The following UBE2T variants were observed in gnomAD, a reference collection of about 807,000 sequenced individuals.
UBE2T encodes ubiquitin conjugating enzyme E2 T.
UBE2T carries 15 observed loss-of-function variants against 23.3 expected under a neutral mutation model. The ratio of observed to expected loss-of-function variants is 0.64; its 90% CI spans 0.43 to 0.99. UBE2T has a LOEUF of 0.99. UBE2T is among the 50% of genes least tolerant of loss of function. UBE2T has a pLI of 0.00. For synonymous variants in UBE2T, 67 were observed against 78.4 expected (o/e 0.85, Z 0.77); for missense variants, 197 against 234.9 (o/e 0.84, Z 1.05).
At chr1:202,341,202 C>A (rs186805289) in intron 1 of UBE2T, among the ~76,000 whole-genome samples, 1 of 152,282 alleles carries the variant, frequency 6.6e-6, no homozygotes, top group African/African-American at 2.4e-5. Flanking sequence ...GACAGCAGGT[C>A]CCTAGTCTTT....
At chr1:202,341,422 C>CA (rs1199385835) in intron 1 of UBE2T, among the ~76,000 whole-genome samples, 2 of 148,924 alleles carry the variant, frequency 1.3e-5, no homozygotes, top group Admixed American at 6.7e-5. Flanking sequence ...ACTGAAAATA[C>CA]AAAAAATTAG....
rs184351718 is a variant in UBE2T at position 202,333,520 on chromosome 1, G to A, written c.215C>T (p.Thr72Ile). 6.2e-7 allele frequency: 1 copy of A among 1,614,158 alleles called. No homozygotes were observed. The highest frequency in any genetic ancestry group is 2.2e-5 in the East Asian group (1 of 44,874). The change falls in exon 4 of 7, where the codon ACT (threonine) becomes ATT (isoleucine). Residue 72 changes from threonine (T) to isoleucine (I), a missense_variant. Coordinates refer to ENST00000646651, the MANE Select transcript of UBE2T (RefSeq NM_014176.4). ...ATCAATGTTTGGATGATAAATTGGA[G>A]TGAGAAATCGGATCTGAGGAGGTTC... is the stretch of plus-strand genomic sequence containing the variant. ...PFEPPQIRFLTPIYHPNIDSA... is the reference protein window; with the variant it reads ...PFEPPQIRFLIPIYHPNIDSA...
At position 202,333,444 on chromosome 1, in the gene UBE2T, A is replaced by G; in HGVS notation, c.285+6T>C. 1.2e-6 allele frequency: 2 copies of G among 1,613,978 alleles called. No homozygotes were observed. The highest frequency in any genetic ancestry group is 2.7e-5 in the African/African-American group (2 of 75,010). On this transcript the variant is annotated splice_donor_region_variant and intron_variant, in intron 4 of 6. Coordinates refer to ENST00000646651, the MANE Select transcript of UBE2T (RefSeq NM_014176.4). ...CTGTAGAGTCAACCATTTACCCACA[A>G]CTCACTTTTGGTGGCAATTTGAGAA... is the stretch of plus-strand genomic sequence containing the variant.
chr1:202,336,967 G>A (rs529724581), intron 1 of UBE2T, among the ~76,000 whole-genome samples: 43 of 152,092 alleles, frequency 2.8e-4, no homozygotes, highest in Middle Eastern at 3.4e-3. Flanking sequence ...TTTTTTAGAC[G>A]GAGTCTCGGT....
intron 4 of UBE2T, 50 bp from the exon 5 acceptor site, chr1:202,333,385 T>G: frequency 4.3e-6 from 7 of 1,613,346 alleles, no homozygotes; most frequent in Non-Finnish European, 5.9e-6. Context: ...TGTGATCCTC[T>G]AATTCAAGTT....
intron 1 of UBE2T, among the ~76,000 whole-genome samples, chr1:202,337,720 T>C (rs1654918780): frequency 1.3e-5 from 2 of 152,222 alleles, no homozygotes; most frequent in Admixed American, 6.5e-5. Context: ...TTATTCATTT[T>C]TTATTATTTA....
intron 6 of UBE2T, among the ~76,000 whole-genome samples, 200 bp from the exon 7 acceptor site, chr1:202,332,160 GCTA>G (rs1654766457): frequency 1.3e-5 from 2 of 152,060 alleles, no homozygotes; most frequent in Non-Finnish European, 2.9e-5. Context: ...TAACACCACT[GCTA>G]TTTAACTCAA....
rs1183967119 is a variant in UBE2T, at chr1:202,341,744, C to A, written c.-65+151G>T. On this transcript the variant is annotated intron_variant, in intron 1 of 6. Coordinates refer to ENST00000646651, the MANE Select transcript of UBE2T (RefSeq NM_014176.4). ...CATGCAAAGATACGGTGAGACCCTC[C>A]GCTCAACAGTGGCTTTTCTAAGGCT... Among the ~76,000 whole-genome samples, 3 of 152,154 alleles carry A rather than the reference C, an allele frequency of 2.0e-5. No homozygotes were observed. The East Asian group carries it at 5.8e-4, about 29-fold the overall frequency.
Position 202,333,472 on chromosome 1 carries a change from T to C in UBE2T, c.263A>G (p.Asp88Gly). The change falls in exon 4 of 7, where the codon GAT becomes GGT. Residue 88 changes from aspartate (D) to glycine (G), a missense_variant. Physicochemically the swap from Asp to Gly is moderately conservative, Grantham distance 94 (BLOSUM62 -1). Transcript: ENST00000646651. Reference protein sequence around the residue: ...NIDSAGRICLDVLKLPPKGAW... With the variant: ...NIDSAGRICLGVLKLPPKGAW... ...CACTTTTGGTGGCAATTTGAGAACA[T>C]CCAGACAAATCCTTCCAGCAGAATC... The C allele has an allele frequency of 6.2e-7, 1 of 1,614,130 alleles. No individual in the cohort carries two copies. Among genetic ancestry groups the C allele is most frequent in the Non-Finnish European group, 8.5e-7 (1 of 1,180,004 alleles).
At chr1:202,337,898 A>C (rs566939126) in intron 1 of UBE2T, among the ~76,000 whole-genome samples, 65 of 152,178 alleles carry the variant, frequency 4.3e-4, no homozygotes, top group Non-Finnish European at 7.6e-4. Flanking sequence ...GAATCAGTTC[A>C]TAAGTCCATA....
In UBE2T at chr1:202,335,147, T is replaced by C. The variant is rs1192950864; in HGVS notation, c.110-89A>G. The C allele has an allele frequency of 1.9e-6, 2 of 1,034,252 alleles. No homozygotes were observed. The highest frequency in any genetic ancestry group is 2.9e-6 in the Non-Finnish European group (2 of 701,170). 64.1% of individuals were successfully genotyped at this position (1,034,252 alleles called of 1,614,324 possible). A position where few individuals can be genotyped will look rare whatever the true frequency, so the allele number is the denominator to read the frequency against. ...GAGCTAATGAGGTCTATGGTCCTAA[T>C]AGAGAAACTAGGCCTAGGACAATAA... On this transcript the variant is annotated intron_variant, in intron 2 of 6. Transcript: ENST00000646651. The surrounding 1 kb of genome is among the most constrained non-coding windows in gnomAD (Gnocchi z 4.0).
intron 1 of UBE2T, among the ~76,000 whole-genome samples, chr1:202,339,373 C>T (rs549647730): frequency 2.6e-5 from 4 of 151,950 alleles, no homozygotes; most frequent in Admixed American, 2.6e-4. Context: ...ATTTCTAACA[C>T]TGTTTATCTG....
At chr1:202,338,323 G>A (rs564302611) in intron 1 of UBE2T, among the ~76,000 whole-genome samples, 2 of 152,094 alleles carry the variant, frequency 1.3e-5, no homozygotes, top group Non-Finnish European at 2.9e-5. Flanking sequence ...GGGTTCAAGC[G>A]ATTCTCCTGT....
rs764165744 is a variant in UBE2T, at chr1:202,335,741, G to A, written c.14C>T (p.Ser5Leu). 8.1e-6 allele frequency: 13 copies of A among 1,613,834 alleles called. No homozygotes were observed. The highest frequency in any genetic ancestry group is 1.3e-5 in the African/African-American group (1 of 74,876). The change falls in exon 2 of 7, where the codon TCA (serine) becomes TTA (leucine). Residue 5 changes from serine (S) to leucine (L), a missense_variant. Ser to Leu is a moderately radical substitution (Grantham distance 145). Coordinates refer to ENST00000646651, the MANE Select transcript of UBE2T (RefSeq NM_014176.4). The surrounding 1 kb of genome is among the most constrained non-coding windows in gnomAD (Gnocchi z 4.0). The stretch of plus-strand genomic sequence containing the variant: ...CATGTGCAGCTCTCTCTTCAGACGT[G>A]AAGCTCTCTGCATGATCCCCAAGTA... MQRA[S>L]RLKRELHMLA...
chr1:202,338,428 T>C (rs1008148881), intron 1 of UBE2T, among the ~76,000 whole-genome samples: 1 of 152,096 alleles, frequency 6.6e-6, no homozygotes, highest in Non-Finnish European at 1.5e-5. Flanking sequence ...TCCATGTTAG[T>C]GAGGCTGGTC....
chr1:202,340,203 C>CT (rs1246984500), intron 1 of UBE2T, among the ~76,000 whole-genome samples: 4 of 149,450 alleles, frequency 2.7e-5, no homozygotes, highest in African/African-American at 9.9e-5. Context: ...GAGCAAGACT[C>CT]TGTCTCAAAA....
At chr1:202,336,348 T>C (rs1255871399) in intron 1 of UBE2T, among the ~76,000 whole-genome samples, 2 of 151,856 alleles carry the variant, frequency 1.3e-5, no homozygotes, top group South Asian at 2.1e-4. Context: ...CAGCCGCCTA[T>C]GTAGCTGGAA....
At position 202,334,910 on chromosome 1, in the gene UBE2T, C is replaced by T. The variant is rs1654849276; in HGVS notation, c.179+79G>A. On this transcript the variant is annotated intron_variant, in intron 3 of 6. Coordinates refer to ENST00000646651, the MANE Select transcript of UBE2T (RefSeq NM_014176.4). ...CAGGATTAAAACCTAGTCCTTTATG[C>T]TCTATCTACTACATTGCTCTGTCTC... 7 of 1,336,478 alleles carry T rather than the reference C, an allele frequency of 5.2e-6. No individual in the cohort carries two copies. The South Asian group carries it at 6.4e-5, about 12-fold the overall frequency. The allele number at this position is 1,336,478 out of a possible 1,614,324, so 82.8% of individuals were successfully genotyped here. A position where few individuals can be genotyped will look rare whatever the true frequency, so the allele number is the denominator to read the frequency against.
intron 1 of UBE2T, among the ~76,000 whole-genome samples, chr1:202,339,077 C>CT (rs35528865): frequency 0.21 from 22,499 of 107,690 alleles, 2,901 homozygotes; most frequent in African/African-American, 0.31. Flanking sequence ...GTATTGCCTC[C>CT]TTTTTTTTTT....
Sources: gnomAD v4.1 joint callset for allele counts (sites outside exome capture counted in the v4.1 genomes callset) on GRCh38, gnomAD v4.1.1 for gene constraint, Gnocchi (gnomAD v3.1) non-coding constraint, MANE v1.5 for transcripts, NCBI Gene and HGNC (gene_info 2026-07-23, HGNC 2026-07-21) for gene names.